Variants in ABLIM2 observed in about 807,000 individuals in gnomAD.
ABLIM2 encodes the protein actin binding LIM protein family member 2.
In ABLIM2, 53 loss-of-function variants were observed where a neutral mutation model predicts 97.7. That is an observed-to-expected ratio of 0.54 (90% CI 0.44 to 0.68). ABLIM2 has a LOEUF of 0.68. Ranked by LOEUF, ABLIM2 falls within the 30% of genes least tolerant of loss-of-function variation. The probability of loss-of-function intolerance (pLI) is 0.00; values close to 1 mark genes in which losing one functional copy is unlikely to be tolerated. For synonymous variants in ABLIM2, 361 were observed against 345.8 expected (o/e 1.04, Z -0.49); for missense variants, 835 against 867.2 (o/e 0.96, Z 0.47).
rs781378667 is a variant in ABLIM2 at position 8,029,792 on chromosome 4, C to A, written c.1048-16G>T. 8.3e-6 allele frequency: 13 copies of A among 1,566,050 alleles called. No individual in the cohort carries two copies. In the African/African-American group the frequency reaches 1.6e-4, roughly 20 times the overall value. On this transcript the variant is annotated splice_polypyrimidine_tract_variant and intron_variant, in intron 10 of 20. Coordinates refer to ENST00000447017, the MANE Select transcript of ABLIM2 (RefSeq NM_001130083.2). ...CCTGATCCCCCTGGGAGGGAAGATGCAGCTTGTGAACACTGGAGCCGGGAG... is the reference window on the plus strand; with the variant it reads ...CCTGATCCCCCTGGGAGGGAAGATGAAGCTTGTGAACACTGGAGCCGGGAG...
chr4:8,138,133 G>A (rs1056901626), intron 1 of ABLIM2, among the ~76,000 whole-genome samples: 2 of 152,170 alleles, frequency 1.3e-5, no homozygotes, highest in African/African-American at 4.8e-5. Context: ...AGAGACAGAA[G>A]GAATGGGAGT....
chr4:8,036,818 C>T (rs920420542), intron 9 of ABLIM2, among the ~76,000 whole-genome samples: 3 of 152,188 alleles, frequency 2.0e-5, no homozygotes, highest in East Asian at 1.9e-4. Flanking sequence ...TGCACGCACA[C>T]GTACAAACAC....
intron 16 of ABLIM2, chr4:8,007,324 G>A (rs1762098165): frequency 1.0e-6 from 1 of 985,260 alleles, no homozygotes; most frequent in Admixed American, 6.2e-5. Context: ...GCAAAGCCAG[G>A]TCTTTCTTCT....
In ABLIM2 at chr4:8,112,542, G is replaced by A. The variant is rs1467771909; in HGVS notation, c.11-5905C>T. Among the ~76,000 whole-genome samples, 1 of 152,178 alleles carries A rather than the reference G, an allele frequency of 6.6e-6. No individual in the cohort carries two copies. The highest frequency in any genetic ancestry group is 1.9e-4 in the East Asian group (1 of 5,202). On this transcript the variant is annotated intron_variant, in intron 1 of 20. Transcript: ENST00000447017. This position sits in a 1 kb window ranked among gnomAD's most constrained non-coding sequence, Gnocchi z 4.2. The stretch of plus-strand genomic sequence containing the variant: ...GCAGGATGGAGGGGTCAGATCAGGG[G>A]TGGCTATCAGAAAGAGGAAAAACGA...
At position 7,998,773 on chromosome 4, in the gene ABLIM2, G is replaced by A; in HGVS notation, c.1619-5846C>T. ...CCACCTCCTGCTGCTGGGTGGGGGT[G>A]GGAGTGGGCAGGCAGGGCTGCTGTC... On this transcript the variant is annotated intron_variant, in intron 16 of 20. Transcript: ENST00000447017. The surrounding 1 kb of genome is among the most constrained non-coding windows in gnomAD (Gnocchi z 6.4). 2.2e-6 allele frequency: 1 copy of A among 455,244 alleles called. No individual in the cohort carries two copies. The highest frequency in any genetic ancestry group is 1.5e-5 in the South Asian group (1 of 64,656). The allele number at this position is 455,244 out of a possible 1,614,324, so 28.2% of individuals were successfully genotyped here.
chr4:7,982,906 T>G (rs139562504), intron 20 of ABLIM2, among the ~76,000 whole-genome samples: 37 of 152,314 alleles, frequency 2.4e-4, no homozygotes, highest in African/African-American at 8.4e-4. Context: ...TTTCACCATG[T>G]TGGCCAGGCT....
At position 8,080,656 on chromosome 4, in the gene ABLIM2, A is replaced by G. The variant is rs1045867573; in HGVS notation, c.581+20T>C. 7 of 1,586,914 alleles carry G rather than the reference A, an allele frequency of 4.4e-6. No homozygotes were observed. The Admixed American group carries it at 5.2e-5, about 12-fold the overall frequency. ...GGAAGCCTGAGCGGAGGCTCTCACT[A>G]GAGCCCTCCCCCCACTTACTTGCTG... On this transcript the variant is annotated intron_variant, in intron 5 of 20. Coordinates refer to ENST00000447017, the MANE Select transcript of ABLIM2 (RefSeq NM_001130083.2).
intron 4 of ABLIM2, among the ~76,000 whole-genome samples, chr4:8,086,101 G>A (rs771085613): frequency 6.6e-6 from 1 of 152,196 alleles, no homozygotes; most frequent in Non-Finnish European, 1.5e-5. Flanking sequence ...ATGCTTTCTA[G>A]GCACAGAAAT....
rs1293961959 is a variant in ABLIM2 at position 8,023,374 on chromosome 4, A to T, written c.1268-3071T>A. On this transcript the variant is annotated intron_variant, in intron 12 of 20. Coordinates refer to ENST00000447017, the MANE Select transcript of ABLIM2 (RefSeq NM_001130083.2). The surrounding 1 kb of genome is among the most constrained non-coding windows in gnomAD (Gnocchi z 5.7). ...TTGCAGACGTTCCTTGTGTCTGAGG[A>T]CTCTGGCAGTTTTGAGGAGGGCTGC... 6.6e-6 allele frequency among the ~76,000 whole-genome samples: 1 copy of T among 152,040 alleles called. No individual in the cohort carries two copies. The highest frequency in any genetic ancestry group is 1.9e-4 in the East Asian group (1 of 5,190).
chr4:8,106,247 C>T (rs560412583), intron 2 of ABLIM2, among the ~76,000 whole-genome samples: 11 of 152,164 alleles, frequency 7.2e-5, no homozygotes, highest in East Asian at 1.9e-4. Context: ...TGCAGCCACA[C>T]GAGGACACCC....
chr4:8,007,640 C>G (rs1762282764), intron 16 of ABLIM2: 1 of 995,316 alleles, frequency 1.0e-6, no homozygotes. Flanking sequence ...GGATGAGTCA[C>G]AGGGGACAGG....
chr4:8,139,079 C>T (rs1449720348), intron 1 of ABLIM2, among the ~76,000 whole-genome samples: 2 of 152,140 alleles, frequency 1.3e-5, no homozygotes, highest in Admixed American at 6.5e-5. Flanking sequence ...ACTTGTAATC[C>T]CAGCTCCTTG....
intron 1 of ABLIM2, among the ~76,000 whole-genome samples, chr4:8,118,781 C>T (rs910077218): frequency 1.3e-5 from 2 of 152,246 alleles, no homozygotes; most frequent in Admixed American, 1.3e-4. Flanking sequence ...GAAGACCCTA[C>T]TTGTCCTTCC....
intron 1 of ABLIM2, among the ~76,000 whole-genome samples, chr4:8,114,261 C>G (rs1241453538): frequency 6.6e-6 from 1 of 152,072 alleles, no homozygotes; most frequent in Non-Finnish European, 1.5e-5. Flanking sequence ...AGGCATGGCT[C>G]TCACACACCA....
At chr4:8,093,021 G>A (rs1252040217) in intron 3 of ABLIM2, among the ~76,000 whole-genome samples, 2 of 151,960 alleles carry the variant, frequency 1.3e-5, no homozygotes, top group Non-Finnish European at 2.9e-5. Flanking sequence ...GCTCATTTTT[G>A]TATTTTTAGT....
At chr4:7,978,384 T>A (rs1735267304) in intron 20 of ABLIM2, among the ~76,000 whole-genome samples, 1 of 152,170 alleles carries the variant, frequency 6.6e-6, no homozygotes, top group Non-Finnish European at 1.5e-5. Context: ...TCAGAGGGTG[T>A]TTTAAAAGGA....
At chr4:8,081,663 G>A (rs1819896870) in intron 4 of ABLIM2, among the ~76,000 whole-genome samples, 1 of 152,192 alleles carries the variant, frequency 6.6e-6, no homozygotes, top group Non-Finnish European at 1.5e-5. Context: ...ATGGGACTGT[G>A]AGCATTTGTA....
intron 5 of ABLIM2, 128 bp downstream of exon 5, chr4:8,080,548 G>T: frequency 9.1e-7 from 1 of 1,098,036 alleles, no homozygotes; most frequent in Non-Finnish European, 1.2e-6. Flanking sequence ...CAGCAGGGCA[G>T]TAGTAGCTGT....
intron 1 of ABLIM2, among the ~76,000 whole-genome samples, chr4:8,143,074 C>G (rs955411610): frequency 6.6e-6 from 1 of 151,236 alleles, no homozygotes; most frequent in Non-Finnish European, 1.5e-5. Flanking sequence ...CGGCTCTTGT[C>G]CTTCTTCTCC....
Sources: allele counts gnomAD v4.1 joint callset (sites outside exome capture counted in the v4.1 genomes callset), GRCh38; gene constraint gnomAD v4.1.1; non-coding constraint Gnocchi (gnomAD v3.1); transcripts MANE v1.5; gene names NCBI Gene and HGNC (gene_info 2026-07-23, HGNC 2026-07-21).